Variants in DPP10 observed in about 807,000 individuals in gnomAD.
DPP10 encodes dipeptidyl peptidase like 10.
DPP10 carries 33 observed loss-of-function variants against 120.9 expected under a neutral mutation model. The observed-to-expected ratio is 0.27, with a 90% CI of 0.21 to 0.37. The LOEUF is 0.37. Among genes scored for constraint, DPP10 ranks in the 10% least tolerant of loss-of-function variants. The probability of loss-of-function intolerance (pLI) is 1.00; values close to 1 mark genes in which losing one functional copy is unlikely to be tolerated. For missense variants in DPP10, 816 were observed against 942.8 expected (o/e 0.87, Z 1.76); for synonymous variants, 337 against 326.1 (o/e 1.03, Z -0.36).
At chr2:115,842,167 G>T in intron 25 of DPP10, 44 bp from the exon 26 acceptor site, 1 of 1,527,682 alleles carries the variant, frequency 6.5e-7, no homozygotes, top group South Asian at 1.3e-5. Context: ...AGAGACAATA[G>T]CTTCTTGGAT....
rs76994892 is a variant in DPP10 at position 114,475,880 on chromosome 2, G to A, written c.60+33042G>A. Among the ~76,000 whole-genome samples the A allele has an allele frequency of 6.2e-3, 938 of 152,270 alleles. 10 individuals are homozygous for A. Among genetic ancestry groups the A allele is most frequent in the African/African-American group, 0.02 (819 of 41,554 alleles). ...GAGGGTAACTTGATAGTGACTAGGC[G>A]GTGCAGTTGGAGTGAATTGATTTTG... is the stretch of plus-strand genomic sequence containing the variant. On this transcript the variant is annotated intron_variant, in intron 1 of 25. Transcript: ENST00000410059.
At chr2:114,918,051 G>T (rs1036556226) in intron 1 of DPP10, among the ~76,000 whole-genome samples, 1 of 151,984 alleles carries the variant, frequency 6.6e-6, no homozygotes, top group African/African-American at 2.4e-5. Context: ...CTCAAACTAT[G>T]CATCCAAAAA....
chr2:115,513,184 G>A (rs955396546), intron 4 of DPP10, among the ~76,000 whole-genome samples: 2 of 151,776 alleles, frequency 1.3e-5, no homozygotes, highest in African/African-American at 4.8e-5. Flanking sequence ...TTCATTTGAT[G>A]TTAGTGAAAC....
At chr2:115,026,020 G>C (rs1043409584) in intron 1 of DPP10, among the ~76,000 whole-genome samples, 2 of 151,972 alleles carry the variant, frequency 1.3e-5, no homozygotes, top group East Asian at 3.9e-4. Context: ...AAGCTTTTTA[G>C]CTTGATGTGA....
chr2:114,999,928 C>T (rs969477052), intron 1 of DPP10, among the ~76,000 whole-genome samples: 4 of 152,138 alleles, frequency 2.6e-5, no homozygotes, highest in African/African-American at 9.7e-5. Flanking sequence ...TATTATACTT[C>T]CTGCTAATTC....
intron 3 of DPP10, among the ~76,000 whole-genome samples, chr2:115,375,193 A>G (rs188432576): frequency 6.6e-6 from 1 of 152,298 alleles, no homozygotes; most frequent in East Asian, 1.9e-4. Flanking sequence ...TGCTGTTAGG[A>G]GCATCCAGGT....
intron 12 of DPP10, among the ~76,000 whole-genome samples, chr2:115,767,703 G>A (rs1461638076): frequency 6.6e-6 from 1 of 151,954 alleles, no homozygotes; most frequent in Non-Finnish European, 1.5e-5. Context: ...GGGCATTTGT[G>A]TTTGTGTGTT....
chr2:115,458,193 T>C (rs2105040892), intron 3 of DPP10, among the ~76,000 whole-genome samples: 1 of 152,122 alleles, frequency 6.6e-6, no homozygotes, highest in Non-Finnish European at 1.5e-5. Context: ...ACCCCCAAAA[T>C]GAGAGACATG....
At chr2:114,698,410 G>A (rs1429145596) in intron 1 of DPP10, among the ~76,000 whole-genome samples, 4 of 152,052 alleles carry the variant, frequency 2.6e-5, no homozygotes, top group Non-Finnish European at 5.9e-5. Context: ...GAGAGACCAC[G>A]AGCCAGAACA....
chr2:114,642,781 A>G (rs957831856), intron 1 of DPP10, among the ~76,000 whole-genome samples: 3 of 151,944 alleles, frequency 2.0e-5, no homozygotes, highest in African/African-American at 7.3e-5. Context: ...CACAGAAATC[A>G]TCAACGTATT....
chr2:115,527,485 A>C (rs1336427280), intron 5 of DPP10, among the ~76,000 whole-genome samples: 1 of 152,172 alleles, frequency 6.6e-6, no homozygotes, highest in Non-Finnish European at 1.5e-5. Context: ...AAAATTTCTT[A>C]AACTGTATAC....
chr2:114,808,020 A>G (rs1684878183), intron 1 of DPP10, among the ~76,000 whole-genome samples: 1 of 152,202 alleles, frequency 6.6e-6, no homozygotes, highest in South Asian at 2.1e-4. Context: ...AGAGGAGTCA[A>G]ATTTCTTACA....
In DPP10 at chr2:115,248,346, G is replaced by A. The variant is rs562782056; in HGVS notation, c.61-60893G>A. On this transcript the variant is annotated intron_variant, in intron 1 of 25. Transcript: ENST00000410059. Reference sequence around the variant, plus strand: ...TCATTCTTTCATTCAGACCTGGCTCGTGGTTTTAAACTATAGTTGTATACT... The same window carrying A: ...TCATTCTTTCATTCAGACCTGGCTCATGGTTTTAAACTATAGTTGTATACT... Among the ~76,000 whole-genome samples the A allele has an allele frequency of 3.9e-5, 6 of 152,152 alleles. No homozygotes were observed. In the South Asian group the frequency reaches 6.2e-4, roughly 16 times the overall value.
At chr2:114,614,202 T>G (rs900432115) in intron 1 of DPP10, among the ~76,000 whole-genome samples, 1 of 152,204 alleles carries the variant, frequency 6.6e-6, no homozygotes, top group African/African-American at 2.4e-5. Flanking sequence ...TTCACCAGAC[T>G]GATTTATCTA....
At chr2:115,115,372 C>T (rs1559112611) in intron 1 of DPP10, among the ~76,000 whole-genome samples, 1 of 152,068 alleles carries the variant, frequency 6.6e-6, no homozygotes, top group Non-Finnish European at 1.5e-5. Context: ...TCCAGGGTTA[C>T]CTTTATGGTT....
At chr2:114,897,787 A>C (rs529586496) in intron 1 of DPP10, among the ~76,000 whole-genome samples, 1 of 152,336 alleles carries the variant, frequency 6.6e-6, no homozygotes, top group Non-Finnish European at 1.5e-5. Context: ...GCAAATCAAA[A>C]CCACAATGAG....
At chr2:114,620,539 T>C (rs1182120508) in intron 1 of DPP10, among the ~76,000 whole-genome samples, 1 of 152,056 alleles carries the variant, frequency 6.6e-6, no homozygotes, top group African/African-American at 2.4e-5. Flanking sequence ...TTATAGAGTA[T>C]TATAAAAACC....
intron 3 of DPP10, among the ~76,000 whole-genome samples, chr2:115,419,676 G>A (rs62166080): frequency 0.023 from 3,546 of 152,144 alleles, 80 homozygotes; most frequent in Non-Finnish European, 0.035. Context: ...ATTAAAGTAA[G>A]TTTTCAAACA....
intron 1 of DPP10, among the ~76,000 whole-genome samples, chr2:114,748,398 A>ATTTC (rs1678842413): frequency 2.3e-5 from 2 of 86,970 alleles, no homozygotes; most frequent in African/African-American, 1.0e-4. Flanking sequence ...TTATTTATTT[A>ATTTC]TTTTAAATTT....
Sources: gnomAD v4.1 joint callset for allele counts (sites outside exome capture counted in the v4.1 genomes callset) on GRCh38, gnomAD v4.1.1 for gene constraint, MANE v1.5 for transcripts, NCBI Gene and HGNC (gene_info 2026-07-23, HGNC 2026-07-21) for gene names.